The following BCO2 variants were observed in gnomAD, a reference collection of about 807,000 sequenced individuals.
BCO2 encodes carotenoid-cleaving dioxygenase, mitochondrial.
BCO2 carries 56 observed loss-of-function variants against 65.8 expected under a neutral mutation model. That is an observed-to-expected ratio of 0.85 (90% CI 0.69 to 1.06). The LOEUF is 1.06. BCO2 is among the 50% of genes least tolerant of loss of function. BCO2 has a pLI of 0.00. For missense variants in BCO2, 675 were observed against 698.5 expected, an observed-to-expected ratio of 0.97 and a Z score of 0.38; for synonymous variants, 233 against 242.3, an observed-to-expected ratio of 0.96 and a Z score of 0.36.
At position 112,193,895 on chromosome 11, in the gene BCO2, T is replaced by C. The variant is rs1339610401; in HGVS notation, c.534T>C (p.Thr178=). ...PGKAAAMTDN[T]NVNYVRYKGD... is the part of the protein sequence containing the mutation. Reference sequence around the variant, plus strand: ...TGGTTTCAGCCATGACTGACAATACTAATGTCAACTATGTGCGGTACAAGG... The same window carrying C: ...TGGTTTCAGCCATGACTGACAATACCAATGTCAACTATGTGCGGTACAAGG... Residue 178 remains threonine, a synonymous_variant, in exon 4 of 12, where the codon ACT becomes ACC. Coordinates refer to ENST00000357685, the MANE Select transcript of BCO2 (RefSeq NM_031938.7). 6.2e-7 allele frequency: 1 copy of C among 1,607,068 alleles called. No individual in the cohort carries two copies. The highest frequency in any genetic ancestry group is 1.7e-5 in the Admixed American group (1 of 60,004).
chr11:112,200,858 C>G lies in BCO2; in HGVS notation c.1026+85C>G, dbSNP rs564712031. 8 of 1,465,318 alleles carry G rather than the reference C, an allele frequency of 5.5e-6. No homozygotes were observed. In the East Asian group the frequency reaches 1.4e-4, roughly 25 times the overall value. 90.8% of individuals were successfully genotyped at this position (1,465,318 alleles called of 1,614,324 possible). A position where few individuals can be genotyped will look rare whatever the true frequency, so the allele number is the denominator to read the frequency against. On this transcript the variant is annotated intron_variant, in intron 7 of 11. Transcript: ENST00000357685. ...ATAGTTGATTTTTTAAAAATCTTCC[C>G]TGGTTAAAAGTGCATAAGACACTTT...
chr11:112,196,999 C>T (rs1867601722), intron 5 of BCO2, among the ~76,000 whole-genome samples: 2 of 142,208 alleles, frequency 1.4e-5, no homozygotes, highest in Admixed American at 1.5e-4. Context: ...TTTCTTCTTC[C>T]TTCTTCTTCT....
At chr11:112,187,363 C>A (rs1172267231) in intron 2 of BCO2, among the ~76,000 whole-genome samples, 3 of 151,826 alleles carry the variant, frequency 2.0e-5, no homozygotes, top group Non-Finnish European at 4.4e-5. Flanking sequence ...GCTCATGGCC[C>A]AGTCCTGCTG....
chr11:112,180,088 A>C (rs1004609020), intron 2 of BCO2, among the ~76,000 whole-genome samples: 1 of 152,224 alleles, frequency 6.6e-6, no homozygotes, highest in African/African-American at 2.4e-5. Context: ...AGTCCCTTAT[A>C]TAAAATGCTT....
chr11:112,187,248 C>T (rs1409444095), intron 2 of BCO2, among the ~76,000 whole-genome samples: 1 of 152,214 alleles, frequency 6.6e-6, no homozygotes, highest in Non-Finnish European at 1.5e-5. Flanking sequence ...TACCGTCAGT[C>T]ACTTCAAGCA....
intron 6 of BCO2, among the ~76,000 whole-genome samples, 170 bp downstream of exon 6, chr11:112,199,997 G>A (rs979377322): frequency 8.5e-5 from 13 of 152,056 alleles, no homozygotes; most frequent in Non-Finnish European, 1.6e-4. Flanking sequence ...ACATACTCCT[G>A]ACCCTAGCCA....
intron 4 of BCO2, 91 bp from the exon 5 acceptor site, chr11:112,194,559 TATC>T: frequency 9.0e-6 from 7 of 780,600 alleles, no homozygotes; most frequent in South Asian, 6.7e-5. Context: ...GCAGTTTTCT[TATC>T]ATATTTTTAA....
Position 112,193,617 on chromosome 11 carries a change from G to T in BCO2, c.437G>T (p.Gly146Val). ...AKNRIVISEFGTLALPDPCKN... is the reference protein window; with the variant it reads ...AKNRIVISEFVTLALPDPCKN... ...AACCGAATTGTGATCTCAGAATTTG[G>T]CACACTGGCTCTCCCGGATCCATGC... The change falls in exon 3 of 12, where the codon GGC becomes GTC. Residue 146 changes from glycine to valine, a missense_variant. Transcript: ENST00000357685. The T allele has an allele frequency of 6.2e-7, 1 of 1,614,146 alleles. No homozygotes were observed. Among genetic ancestry groups the T allele is most frequent in the Non-Finnish European group, 8.5e-7 (1 of 1,180,014 alleles).
chr11:112,184,616 A>T (rs2135353968), intron 2 of BCO2, among the ~76,000 whole-genome samples: 1 of 152,288 alleles, frequency 6.6e-6, no homozygotes, highest in South Asian at 2.1e-4. Flanking sequence ...ATAAAGTAAA[A>T]ATAAAGGCAT....
rs183784424 is a variant in BCO2 at position 112,218,695 on chromosome 11, A to C, written c.*821A>C. ...GAATCTTAAGTCAAGGATGTCATCG[A>C]AGAGTATTTCAAATGTAAGAAATGA... On this transcript the variant is annotated 3_prime_UTR_variant, in exon 12 of 12. Transcript: ENST00000357685. The C allele has an allele frequency of 2.3e-4, 39 of 172,788 alleles. No homozygotes were observed. In the East Asian group the frequency reaches 5.5e-3, roughly 24 times the overall value. The allele number at this position is 172,788 out of a possible 1,614,324, so 10.7% of individuals were successfully genotyped here.
intron 8 of BCO2, among the ~76,000 whole-genome samples, chr11:112,213,272 T>C (rs761502703): frequency 2.0e-5 from 3 of 149,328 alleles, no homozygotes; most frequent in South Asian, 2.1e-4. Context: ...GCCTCCCGAG[T>C]AGCTGGGATT....
intron 2 of BCO2, among the ~76,000 whole-genome samples, chr11:112,180,305 T>G (rs557293785): frequency 3.9e-5 from 6 of 152,314 alleles, no homozygotes; most frequent in African/African-American, 1.4e-4. Flanking sequence ...AATCCACAGA[T>G]GTGGAATATA....
chr11:112,217,904 T>C lies in BCO2; in HGVS notation c.*30T>C. The C allele has an allele frequency of 6.7e-7, 1 of 1,481,680 alleles. No individual in the cohort carries two copies. Among genetic ancestry groups the C allele is most frequent in the Non-Finnish European group, 9.3e-7 (1 of 1,071,480 alleles). The allele number at this position is 1,481,680 out of a possible 1,614,324, so 91.8% of individuals were successfully genotyped here. The stretch of plus-strand genomic sequence containing the variant: ...ACAACCACAAGGTCTGGAAACTAGG[T>C]TTAAAATAAGTGTGCACTTGGACAT... On this transcript the variant is annotated 3_prime_UTR_variant, in exon 12 of 12. Coordinates refer to ENST00000357685, the MANE Select transcript of BCO2 (RefSeq NM_031938.7).
In BCO2 at chr11:112,193,632, C is replaced by T. The variant is rs796410938; in HGVS notation, c.452C>T (p.Pro151Leu). Residue 151 changes from proline (P) to leucine (L), a missense_variant, in exon 3 of 12, where the codon CCG becomes CTG. By Grantham distance (98) the Pro-to-Leu change is moderately conservative. Coordinates refer to ENST00000357685, the MANE Select transcript of BCO2 (RefSeq NM_031938.7). ...TCAGAATTTGGCACACTGGCTCTCC[C>T]GGATCCATGCAAGAATGTTTTTGAA... Reference protein sequence around the residue: ...VISEFGTLALPDPCKNVFERF... With the variant: ...VISEFGTLALLDPCKNVFERF... 6 of 1,614,084 alleles carry T rather than the reference C, an allele frequency of 3.7e-6. No individual in the cohort carries two copies. Among genetic ancestry groups the T allele is most frequent in the Middle Eastern group, 1.6e-4 (1 of 6,062 alleles).
At chr11:112,208,471 A>T (rs1308116901) in intron 8 of BCO2, 1 of 150,250 alleles carries the variant, frequency 6.7e-6, no homozygotes, top group Non-Finnish European at 1.4e-5. Context: ...TGTTGAATAT[A>T]AGTGATGATA....
intron 5 of BCO2, among the ~76,000 whole-genome samples, chr11:112,198,978 C>T (rs1463260184): frequency 2.6e-5 from 4 of 151,436 alleles, no homozygotes; most frequent in Non-Finnish European, 5.9e-5. Flanking sequence ...TATTATTATA[C>T]TTAAAGTTCT....
intron 9 of BCO2, 80 bp downstream of exon 9, chr11:112,213,941 C>A: frequency 9.5e-7 from 1 of 1,048,864 alleles, no homozygotes; most frequent in Non-Finnish European, 1.3e-6. Context: ...TCCAAAATGT[C>A]TGGTACCCAA....
chr11:112,203,541 T>G (rs1204473249), intron 8 of BCO2, among the ~76,000 whole-genome samples: 4 of 152,264 alleles, frequency 2.6e-5, no homozygotes, highest in African/African-American at 9.6e-5. Context: ...TTAAAATGGT[T>G]AGTATAGTGA....
rs1244543102 is a variant in BCO2, at chr11:112,195,592, G to A, written c.736+837G>A. On this transcript the variant is annotated intron_variant, in intron 5 of 11. Coordinates refer to ENST00000357685, the MANE Select transcript of BCO2 (RefSeq NM_031938.7). ...TGAGTAGCTGGGATTACAGGTGCTT[G>A]CCACCATGCCCGGCTAATTTTTGTA... is the stretch of plus-strand genomic sequence containing the variant. 3.9e-5 allele frequency among the ~76,000 whole-genome samples: 6 copies of A among 151,982 alleles called. 1 individual carries two copies. Among genetic ancestry groups the A allele is most frequent in the African/African-American group, 1.5e-4 (6 of 41,378 alleles).
Sources: gnomAD v4.1 joint callset for allele counts (sites outside exome capture counted in the v4.1 genomes callset) on GRCh38, gnomAD v4.1.1 for gene constraint, MANE v1.5 for transcripts, NCBI Gene and HGNC (gene_info 2026-07-23, HGNC 2026-07-21) for gene names.